The following PRPF39 variants were observed in gnomAD, a reference collection of about 807,000 sequenced individuals.
PRPF39 encodes the protein pre-mRNA processing factor 39.
A neutral mutation model predicts 82.1 loss-of-function variants in PRPF39; 27 were observed. That is an observed-to-expected ratio of 0.33 (90% CI 0.24 to 0.45). PRPF39 has a LOEUF of 0.45. Ranked by LOEUF, PRPF39 falls within the 20% of genes least tolerant of loss-of-function variation. The probability of loss-of-function intolerance (pLI) is 1.00; values close to 1 mark genes in which losing one functional copy is unlikely to be tolerated. For synonymous variants in PRPF39, 261 were observed against 256.4 expected (o/e 1.02, Z -0.17); for missense variants, 581 against 796.9 (o/e 0.73, Z 3.26).
chr14:45,103,852 A>AT (rs1262823911), intron 5 of PRPF39, among the ~76,000 whole-genome samples: 1 of 152,168 alleles, frequency 6.6e-6, no homozygotes, highest in Non-Finnish European at 1.5e-5. Context: ...TTCTTCTGTG[A>AT]TTTAAAGTAT....
intron 5 of PRPF39, among the ~76,000 whole-genome samples, chr14:45,104,150 T>C (rs915323288): frequency 2.6e-5 from 4 of 152,196 alleles, no homozygotes; most frequent in Admixed American, 2.0e-4. Context: ...CCTACAAATC[T>C]TTTTTATTTC....
Position 45,087,588 on chromosome 14 carries a change from T to TTTTG in PRPF39, c.-20+3340_-20+3343dup, listed in dbSNP as rs1566688788. On this transcript the variant is annotated intron_variant, in intron 1 of 13. Coordinates refer to ENST00000355765, the MANE Select transcript of PRPF39 (RefSeq NM_017922.4). The stretch of plus-strand genomic sequence containing the variant: ...TTTTTTTTTTGTTTTGTTTTGTTTT[T>TTTTG]TTTGAGATGGAGCCTTGCTCTGTCA... Among the ~76,000 whole-genome samples the TTTTG allele has an allele frequency of 5.2e-3, 795 of 151,972 alleles. 9 individuals are homozygous for TTTTG. The highest frequency in any genetic ancestry group is 0.018 in the African/African-American group (738 of 41,390).
At chr14:45,112,039 C>G (rs908779923) in intron 10 of PRPF39, among the ~76,000 whole-genome samples, 3 of 151,994 alleles carry the variant, frequency 2.0e-5, no homozygotes, top group African/African-American at 7.2e-5. Flanking sequence ...TCATGTCATA[C>G]TAAATACAAG....
At chr14:45,093,617 A>G (rs2139041528) in intron 1 of PRPF39, among the ~76,000 whole-genome samples, 1 of 149,206 alleles carries the variant, frequency 6.7e-6, no homozygotes, top group Admixed American at 6.7e-5. Flanking sequence ...GTGCAATGGC[A>G]TGATCTCGGC....
At chr14:45,101,840 T>G (rs1884385617) in intron 4 of PRPF39, among the ~76,000 whole-genome samples, 1 of 151,392 alleles carries the variant, frequency 6.6e-6, no homozygotes, top group Non-Finnish European at 1.5e-5. Context: ...AGAGTCGCGC[T>G]CTGTCGCCCA....
chr14:45,111,085 A>G (rs1884682798), intron 10 of PRPF39: 2 of 389,776 alleles, frequency 5.1e-6, no homozygotes, highest in East Asian at 9.8e-5. Context: ...ATTATCAACA[A>G]ATTTACTGAT....
chr14:45,088,551 G>A (rs1178308877), intron 1 of PRPF39, among the ~76,000 whole-genome samples: 7 of 152,200 alleles, frequency 4.6e-5, no homozygotes, highest in African/African-American at 1.7e-4. Flanking sequence ...GAGTTTTGGT[G>A]TTAGGATGAG....
rs1286556683 is a variant in PRPF39 at position 45,114,963 on chromosome 14, TA to T, written c.*51del. 2 of 1,435,780 alleles carry T rather than the reference TA, an allele frequency of 1.4e-6. No individual in the cohort carries two copies. Among genetic ancestry groups the T allele is most frequent in the Admixed American group, 1.7e-5 (1 of 58,784 alleles). The allele number at this position is 1,435,780 out of a possible 1,614,324, so 88.9% of individuals were successfully genotyped here. Reference sequence around the variant, plus strand: ...CAGTGTGTGAAAAGTATGAAATTATTATTTTTTTTAATGAGGGATGTAAACA... The same window carrying T: ...CAGTGTGTGAAAAGTATGAAATTATTTTTTTTTTAATGAGGGATGTAAACA... On this transcript the variant is annotated 3_prime_UTR_variant, in exon 14 of 14. Transcript: ENST00000355765.
chr14:45,096,925 T>G lies in PRPF39; in HGVS notation c.489T>G (p.Val163=). The G allele has an allele frequency of 1.3e-6, 2 of 1,549,080 alleles. No homozygotes were observed. The highest frequency in any genetic ancestry group is 1.4e-5 in the African/African-American group (1 of 72,984). Residue 163 remains valine, a synonymous_variant, in exon 4 of 14, where the codon GTT becomes GTG. Transcript: ENST00000355765. ...GGCTTCAGGCAATACCTCTTAGTGT[T>G]GACCTTTGGATACATTATATAAACT... The part of the protein sequence containing the change: ...RRGLQAIPLS[V]DLWIHYINFL...
intron 4 of PRPF39, among the ~76,000 whole-genome samples, chr14:45,102,082 C>G (rs1467425766): frequency 6.6e-6 from 1 of 152,134 alleles, no homozygotes; most frequent in Non-Finnish European, 1.5e-5. Context: ...GCTGCGATTA[C>G]AGGCATGAGC....
chr14:45,112,911 A>G (rs953942213), intron 11 of PRPF39, among the ~76,000 whole-genome samples: 1 of 152,214 alleles, frequency 6.6e-6, no homozygotes, highest in Admixed American at 6.5e-5. Flanking sequence ...GAGGATGGAT[A>G]TGGTCCCACA....
At chr14:45,099,654 C>G (rs1884311997) in intron 4 of PRPF39, among the ~76,000 whole-genome samples, 1 of 152,106 alleles carries the variant, frequency 6.6e-6, no homozygotes, top group Non-Finnish European at 1.5e-5. Flanking sequence ...CCGTGTTAGC[C>G]AGGATGATCT....
At chr14:45,111,527 T>TTA (rs1307789715) in intron 10 of PRPF39, among the ~76,000 whole-genome samples, 3 of 151,920 alleles carry the variant, frequency 2.0e-5, no homozygotes, top group African/African-American at 7.3e-5. Flanking sequence ...TAGACACAGT[T>TTA]TACTATGTTG....
At position 45,115,133 on chromosome 14, in the gene PRPF39, C is replaced by T; in HGVS notation, c.*220C>T. 2.9e-6 allele frequency: 1 copy of T among 340,942 alleles called. No homozygotes were observed. The highest frequency in any genetic ancestry group is 5.4e-6 in the Non-Finnish European group (1 of 186,508). The allele number at this position is 340,942 out of a possible 1,614,324, so 21.1% of individuals were successfully genotyped here. A position where few individuals can be genotyped will look rare whatever the true frequency, so the allele number is the denominator to read the frequency against. Reference sequence around the variant, plus strand: ...ATAAAATTTACTTTTTATTGAAAAACTATTTTTTGATTTTTGCATTAAGTG... The same window carrying T: ...ATAAAATTTACTTTTTATTGAAAAATTATTTTTTGATTTTTGCATTAAGTG... On this transcript the variant is annotated 3_prime_UTR_variant, in exon 14 of 14. Transcript: ENST00000355765.
chr14:45,107,331 T>TA (rs2139060626), intron 5 of PRPF39, 120 bp from the exon 6 acceptor site: 1 of 699,350 alleles, frequency 1.4e-6, no homozygotes, highest in Non-Finnish European at 2.3e-6. Context: ...GGAGAAAAGG[T>TA]ATGATATTTT....
At chr14:45,086,479 G>T (rs1487329562) in intron 1 of PRPF39, among the ~76,000 whole-genome samples, 1 of 152,014 alleles carries the variant, frequency 6.6e-6, no homozygotes, top group Admixed American at 6.6e-5. Flanking sequence ...GTAATGTAGT[G>T]AAAAGGAATC....
At chr14:45,109,814 A>G (rs1242496005) in intron 8 of PRPF39, 34 bp downstream of exon 8, 6 of 1,551,098 alleles carry the variant, frequency 3.9e-6, no homozygotes, top group South Asian at 1.2e-5. Flanking sequence ...ACTTGAATAT[A>G]TTATAAACAT....
At position 45,095,321 on chromosome 14, in the gene PRPF39, C is replaced by T. The variant is rs754083923; in HGVS notation, c.82C>T (p.Pro28Ser). 1.9e-6 allele frequency: 3 copies of T among 1,613,186 alleles called. No homozygotes were observed. Among genetic ancestry groups the T allele is most frequent in the South Asian group, 2.2e-5 (2 of 91,074 alleles). The change falls in exon 2 of 14, where the codon CCT becomes TCT. Residue 28 changes from proline (P) to serine (S), a missense_variant. Pro to Ser is a moderately conservative substitution (Grantham distance 74). Transcript: ENST00000355765. ...CAGTTCAGAGGTAGTGGTAGAACAT[C>T]CTACTGATTTCAGTACTGAGATTAT... is the stretch of plus-strand genomic sequence containing the variant. Reference protein sequence around the residue: ...GNSSEVVVEHPTDFSTEIMNV... With the variant: ...GNSSEVVVEHSTDFSTEIMNV...
chr14:45,094,746 C>T (rs1268137559), intron 1 of PRPF39, among the ~76,000 whole-genome samples: 1 of 152,024 alleles, frequency 6.6e-6, no homozygotes, highest in Non-Finnish European at 1.5e-5. Flanking sequence ...TATCCTGAGC[C>T]AAGTGATGAG....
Sources: allele counts gnomAD v4.1 joint callset (sites outside exome capture counted in the v4.1 genomes callset), GRCh38; gene constraint gnomAD v4.1.1; transcripts MANE v1.5; gene names NCBI Gene and HGNC (gene_info 2026-07-23, HGNC 2026-07-21).